The following DOCK7 variants were observed in gnomAD, a reference collection of about 807,000 sequenced individuals.
DOCK7 encodes dedicator of cytokinesis 7, also known as dedicator of cytokinesis protein 7.
A neutral mutation model predicts 271.0 loss-of-function variants in DOCK7; 138 were observed. The observed-to-expected ratio is 0.51, with a 90% CI of 0.44 to 0.59. The LOEUF (loss-of-function observed/expected upper bound fraction) is 0.59. DOCK7 is among the 20% of genes least tolerant of loss of function. The probability of loss-of-function intolerance (pLI) is 0.00; values close to 1 mark genes in which losing one functional copy is unlikely to be tolerated. For missense variants in DOCK7, 2,066 were observed against 2,592.4 expected, an observed-to-expected ratio of 0.80 and a Z score of 4.41; for synonymous variants, 823 against 876.1, an observed-to-expected ratio of 0.94 and a Z score of 1.07.
intron 41 of DOCK7, among the ~76,000 whole-genome samples, chr1:62,490,894 G>C (rs1328644298): frequency 1.3e-5 from 2 of 152,096 alleles, no homozygotes; most frequent in Non-Finnish European, 1.5e-5. Context: ...TTTAAAAGAG[G>C]ATCGACACCT....
At chr1:62,574,232 C>A (rs761428838) in intron 18 of DOCK7, among the ~76,000 whole-genome samples, 2 of 152,016 alleles carry the variant, frequency 1.3e-5, no homozygotes, top group East Asian at 1.9e-4. Flanking sequence ...ATGAAGAGAA[C>A]CCCAATAAAT....
intron 38 of DOCK7, 50 bp downstream of exon 38, chr1:62,496,289 T>C (rs1385631941): frequency 6.3e-7 from 1 of 1,583,996 alleles, no homozygotes; most frequent in Non-Finnish European, 8.5e-7. Context: ...GGAAAGTGCC[T>C]ATTTAACAAG....
intron 41 of DOCK7, chr1:62,492,450 G>A: frequency 2.8e-6 from 1 of 361,388 alleles, no homozygotes; most frequent in Admixed American, 4.6e-5. Context: ...CACCATGCCT[G>A]GTGAATTTTT....
chr1:62,488,956 G>C lies in DOCK7; in HGVS notation c.5471C>G (p.Ala1824Gly). 1 of 1,613,580 alleles carries C rather than the reference G, an allele frequency of 6.2e-7. No homozygotes were observed. ...LSTIHGKLQE[A>G]FSKIVHQSTG... ...TACCTGATGAACAATTTTGCTGAAT[G>C]CTTCTTGAAGTTTACCATGAATTGT... Residue 1824 changes from alanine (A) to glycine (G), a missense_variant, in exon 42 of 50, where the codon GCA (alanine) becomes GGA (glycine). Ala to Gly is a moderately conservative substitution (Grantham distance 60). This residue lies in a region of DOCK7 where 652 missense variants were observed against 922.1 expected (regional missense o/e 0.71). Transcript: ENST00000635253.
chr1:62,600,520 CACTT>C (rs1174016694), intron 14 of DOCK7, among the ~76,000 whole-genome samples: 1 of 151,728 alleles, frequency 6.6e-6, no homozygotes, highest in Non-Finnish European at 1.5e-5. Flanking sequence ...AAACCCAACA[CACTT>C]AAATAAAAAT....
At chr1:62,524,359 C>T (rs1298473233) in intron 31 of DOCK7, among the ~76,000 whole-genome samples, 5 of 152,114 alleles carry the variant, frequency 3.3e-5, no homozygotes, top group Admixed American at 3.3e-4. Flanking sequence ...CCAACAAATT[C>T]CACTTCTAGA....
chr1:62,623,575 G>T (rs1653552474), intron 12 of DOCK7, among the ~76,000 whole-genome samples: 1 of 152,192 alleles, frequency 6.6e-6, no homozygotes, highest in African/African-American at 2.4e-5. Flanking sequence ...GCAGGCTGAA[G>T]AAATGAAAAG....
chr1:62,561,568 G>A (rs1162129494), intron 19 of DOCK7, 49 bp downstream of exon 19: 8 of 1,204,832 alleles, frequency 6.6e-6, no homozygotes, highest in African/African-American at 3.2e-5. Flanking sequence ...TAGATATTAC[G>A]TTCAATTTAT....
At chr1:62,665,640 C>T (rs904225756) in intron 1 of DOCK7, among the ~76,000 whole-genome samples, 3 of 130,282 alleles carry the variant, frequency 2.3e-5, no homozygotes, top group Non-Finnish European at 4.7e-5. Flanking sequence ...ACGGAGGTTG[C>T]GGTGAGCCGA....
chr1:62,633,679 G>GA, intron 9 of DOCK7, 101 bp from the exon 10 acceptor site: 2 of 760,300 alleles, frequency 2.6e-6, no homozygotes, highest in Middle Eastern at 2.4e-4. Flanking sequence ...CAGAATGACA[G>GA]AAAAAAATAT....
At chr1:62,662,074 C>T (rs1011000049) in intron 2 of DOCK7, among the ~76,000 whole-genome samples, 1 of 152,020 alleles carries the variant, frequency 6.6e-6, no homozygotes, top group African/African-American at 2.4e-5. Context: ...CTGTTATTTC[C>T]CAGTTTGTTC....
intron 14 of DOCK7, among the ~76,000 whole-genome samples, chr1:62,592,086 A>G (rs1401755170): frequency 6.6e-6 from 1 of 152,216 alleles, no homozygotes; most frequent in Non-Finnish European, 1.5e-5. Flanking sequence ...TATAAGCAAT[A>G]TAATTTTAAA....
At chr1:62,669,890 G>A (rs1308862429) in intron 1 of DOCK7, among the ~76,000 whole-genome samples, 1 of 152,266 alleles carries the variant, frequency 6.6e-6, no homozygotes, top group South Asian at 2.1e-4. Context: ...GGTGTGGAGG[G>A]AGAGACACGA....
intron 48 of DOCK7, among the ~76,000 whole-genome samples, chr1:62,466,207 T>C (rs572552160): frequency 6.6e-6 from 1 of 152,224 alleles, no homozygotes; most frequent in East Asian, 1.9e-4. Flanking sequence ...GTTGTTGTTG[T>C]TGTTTTTTCT....
At chr1:62,563,114 C>T (rs140300483) in intron 18 of DOCK7, among the ~76,000 whole-genome samples, 1 of 152,240 alleles carries the variant, frequency 6.6e-6, no homozygotes, top group East Asian at 1.9e-4. Flanking sequence ...TCCCTCACAA[C>T]CAGGAAGGGG....
intron 12 of DOCK7, among the ~76,000 whole-genome samples, chr1:62,621,640 G>A (rs557403231): frequency 3.3e-5 from 5 of 152,144 alleles, no homozygotes; most frequent in South Asian, 2.1e-4. Context: ...TAATTTCTAA[G>A]TGGTTATAGT....
At chr1:62,603,738 T>C (rs1650504080) in intron 14 of DOCK7, among the ~76,000 whole-genome samples, 1 of 151,900 alleles carries the variant, frequency 6.6e-6, no homozygotes, top group Non-Finnish European at 1.5e-5. Context: ...ATATGCATTA[T>C]AGAAAGGATA....
At chr1:62,583,470 A>G (rs1304213481) in intron 15 of DOCK7, among the ~76,000 whole-genome samples, 1 of 152,220 alleles carries the variant, frequency 6.6e-6, no homozygotes, top group East Asian at 1.9e-4. Context: ...TAAATATTTC[A>G]AAAGTTTCTA....
intron 7 of DOCK7, among the ~76,000 whole-genome samples, chr1:62,643,005 A>C (rs1656222288): frequency 8.3e-6 from 1 of 120,726 alleles, no homozygotes; most frequent in Non-Finnish European, 1.7e-5. Flanking sequence ...AAGAGTTTTA[A>C]TCCAAGGCCA....
Sources: allele counts gnomAD v4.1 joint callset (sites outside exome capture counted in the v4.1 genomes callset), GRCh38; gene constraint gnomAD v4.1.1; regional missense constraint gnomAD v4.1.1; transcripts MANE v1.5; gene names NCBI Gene and HGNC (gene_info 2026-07-23, HGNC 2026-07-21).